CNTNAP3B: variants seen among roughly 807,000 people sequenced by gnomAD.
The protein encoded by CNTNAP3B is contactin-associated protein-like 3B.
CNTNAP3B carries 25 observed loss-of-function variants against 108.9 expected under a neutral mutation model. That is an observed-to-expected ratio of 0.23 (90% confidence interval 0.17 to 0.32). The LOEUF (loss-of-function observed/expected upper bound fraction) is 0.32, where lower values mean the gene tolerates loss of function less well. Ranked by LOEUF, CNTNAP3B falls within the 10% of genes least tolerant of loss-of-function variation. The pLI is 1.00. For synonymous variants in CNTNAP3B, 103 were observed against 473.4 expected (o/e 0.22, Z 10.16); for missense variants, 252 against 1,210.4 (o/e 0.21, Z 11.75).
chr9:42,128,134 A>G lies in CNTNAP3B; in HGVS notation c.85+876T>C, dbSNP rs1828611977. ...ATCAAGAAAGAAAGACGACTCTCTG[A>G]TAGAGATTTACTCCAAGCCGAAAAA... On this transcript the variant is annotated intron_variant, in intron 1 of 23. Transcript: ENST00000377561. Among the ~76,000 whole-genome samples, 3 of 138,796 alleles carry G rather than the reference A, an allele frequency of 2.2e-5. 1 individual carries two copies. Among genetic ancestry groups the G allele is most frequent in the Admixed American group, 2.2e-4 (3 of 13,910 alleles). The allele number at this position is 138,796 out of a possible 152,430, so 91.1% of individuals were successfully genotyped here.
In CNTNAP3B at chr9:41,932,087, C is replaced by A. The variant is rs1588047273; in HGVS notation, c.2238-2643G>T. Among the ~76,000 whole-genome samples, 25 of 151,600 alleles carry A rather than the reference C, an allele frequency of 1.6e-4. No homozygotes were observed. In the South Asian group the frequency reaches 5.2e-3, roughly 32 times the overall value. Reference sequence around the variant, plus strand: ...TTTCTTATTGTTACAGGCAGATTCCCAACCTTTGGAAATCAAAATAGAATA... The same window carrying A: ...TTTCTTATTGTTACAGGCAGATTCCAAACCTTTGGAAATCAAAATAGAATA... On this transcript the variant is annotated intron_variant, in intron 14 of 23. Transcript: ENST00000377561.
intron 13 of CNTNAP3B, among the ~76,000 whole-genome samples, chr9:41,946,278 A>G (rs1391282834): frequency 8.1e-6 from 1 of 124,136 alleles, no homozygotes; most frequent in Admixed American, 8.5e-5. Flanking sequence ...GCGTTATAGA[A>G]TATTTTATCT....
At chr9:41,948,373 C>T (rs1824589155) in intron 13 of CNTNAP3B, among the ~76,000 whole-genome samples, 1 of 152,226 alleles carries the variant, frequency 6.6e-6, no homozygotes, top group African/African-American at 2.4e-5. Context: ...ATCACAGAGC[C>T]ACCCTGCCGG....
At chr9:41,967,946 AG>A (rs1186465258) in intron 10 of CNTNAP3B, among the ~76,000 whole-genome samples, 4 of 152,374 alleles carry the variant, frequency 2.6e-5, no homozygotes, top group Non-Finnish European at 5.9e-5. Flanking sequence ...CATGTTTACA[AG>A]TAACTTTGGG....
rs544787497 is a variant in CNTNAP3B at position 42,112,479 on chromosome 9, G to A, written c.86-7740C>T. On this transcript the variant is annotated intron_variant, in intron 1 of 23. Coordinates refer to ENST00000377561, the MANE Select transcript of CNTNAP3B (RefSeq NM_001201380.3). ...CTGCTGACTGATGATTCTGGGGTGA[G>A]GAAGAGAGACTGGCATGACCAGCTG... Among the ~76,000 whole-genome samples, 44 of 139,104 alleles carry A rather than the reference G, an allele frequency of 3.2e-4. 9 individuals are homozygous for A. Among genetic ancestry groups the A allele is most frequent in the African/African-American group, 1.3e-3 (44 of 34,992 alleles). 91.3% of individuals were successfully genotyped at this position (139,104 alleles called of 152,430 possible).
At chr9:41,930,613 T>C (rs1233537314) in intron 14 of CNTNAP3B, among the ~76,000 whole-genome samples, 1 of 152,256 alleles carries the variant, frequency 6.6e-6, no homozygotes, top group Non-Finnish European at 1.5e-5. Context: ...GACATTGTCC[T>C]GGGAATTGAG....
At chr9:42,109,900 A>G (rs1331949340) in intron 1 of CNTNAP3B, among the ~76,000 whole-genome samples, 1 of 137,118 alleles carries the variant, frequency 7.3e-6, no homozygotes, top group Non-Finnish European at 1.6e-5. Flanking sequence ...ACAGAGCCCC[A>G]TACAAAAGAG....
intron 3 of CNTNAP3B, among the ~76,000 whole-genome samples, chr9:42,035,668 T>A (rs1826609763): frequency 6.6e-6 from 1 of 150,860 alleles, no homozygotes; most frequent in South Asian, 2.1e-4. Context: ...ATATTTTTTA[T>A]TGTTTTAGAG....
intron 3 of CNTNAP3B, among the ~76,000 whole-genome samples, chr9:42,057,536 T>C (rs1827097746): frequency 7.9e-6 from 1 of 126,016 alleles, no homozygotes; most frequent in South Asian, 2.6e-4. Context: ...TAAGACTAAC[T>C]CCTTTTTCAA....
At chr9:41,968,563 C>T (rs1464821985) in intron 10 of CNTNAP3B, among the ~76,000 whole-genome samples, 1 of 143,636 alleles carries the variant, frequency 7.0e-6, no homozygotes, top group Admixed American at 6.9e-5. Flanking sequence ...TCCTACAAAT[C>T]AACAGAATGT....
intron 18 of CNTNAP3B, among the ~76,000 whole-genome samples, chr9:41,919,367 G>C: frequency 6.6e-6 from 1 of 151,758 alleles, no homozygotes; most frequent in South Asian, 2.1e-4. Context: ...GCCTGCCTTG[G>C]CCTCCCAAAG....
intron 2 of CNTNAP3B, among the ~76,000 whole-genome samples, chr9:42,096,671 T>A (rs1827907628): frequency 8.7e-6 from 1 of 115,260 alleles, no homozygotes; most frequent in Admixed American, 8.9e-5. Flanking sequence ...TATTTCCATT[T>A]TTAAACCTCA....
At chr9:42,020,254 G>C (rs1470813834) in intron 3 of CNTNAP3B, among the ~76,000 whole-genome samples, 12 of 149,662 alleles carry the variant, frequency 8.0e-5, no homozygotes, top group Non-Finnish European at 3.0e-5. Flanking sequence ...GAAGAGAGCA[G>C]AACTAGCCAC....
At chr9:42,070,512 C>T (rs1827350911) in intron 3 of CNTNAP3B, among the ~76,000 whole-genome samples, 1 of 142,320 alleles carries the variant, frequency 7.0e-6, no homozygotes, top group Admixed American at 6.9e-5. Flanking sequence ...GTGTCGCTGC[C>T]CATCACTGGC....
intron 3 of CNTNAP3B, among the ~76,000 whole-genome samples, chr9:42,049,137 G>C (rs1309224166): frequency 8.7e-6 from 1 of 115,512 alleles, no homozygotes; most frequent in Non-Finnish European, 1.8e-5. Context: ...TTGACTTCAA[G>C]TTCCCTGATG....
chr9:41,935,314 A>G (rs1824123041), intron 14 of CNTNAP3B, among the ~76,000 whole-genome samples: 1 of 152,216 alleles, frequency 6.6e-6, no homozygotes, highest in African/African-American at 2.4e-5. Context: ...GTTTATATTA[A>G]CAATACTGCC....
chr9:41,969,018 G>T (rs868624473), intron 10 of CNTNAP3B, among the ~76,000 whole-genome samples: 2 of 152,286 alleles, frequency 1.3e-5, no homozygotes, highest in Non-Finnish European at 2.9e-5. Flanking sequence ...GGATGGTCTC[G>T]ATCTCCTGAC....
In CNTNAP3B at chr9:41,954,241, T is replaced by C. The variant is rs1304972634; in HGVS notation, c.1877-855A>G. ...AAACGAAGAAACATTTGTATGGGGATTTTTTAAGAACTACGAAACAAAACA... is the reference window on the plus strand; with the variant it reads ...AAACGAAGAAACATTTGTATGGGGACTTTTTAAGAACTACGAAACAAAACA... On this transcript the variant is annotated intron_variant, in intron 12 of 23. Coordinates refer to ENST00000377561, the MANE Select transcript of CNTNAP3B (RefSeq NM_001201380.3). Among the ~76,000 whole-genome samples, 3 of 152,358 alleles carry C rather than the reference T, an allele frequency of 2.0e-5. No individual in the cohort carries two copies. In the South Asian group the frequency reaches 6.2e-4, roughly 32 times the overall value.
At chr9:41,938,569 C>T (rs1328532336) in intron 13 of CNTNAP3B, among the ~76,000 whole-genome samples, 169 bp from the exon 14 acceptor site, 1 of 152,282 alleles carries the variant, frequency 6.6e-6, no homozygotes, top group Non-Finnish European at 1.5e-5. Context: ...TTTCTTTAAG[C>T]CTAACCAATG....
Sources: allele counts gnomAD v4.1 joint callset (sites outside exome capture counted in the v4.1 genomes callset), GRCh38; gene constraint gnomAD v4.1.1; transcripts MANE v1.5; gene names NCBI Gene and HGNC (gene_info 2026-07-23, HGNC 2026-07-21).